The following PGM2 variants were observed in gnomAD, a reference collection of about 807,000 sequenced individuals.
PGM2 encodes phosphoglucomutase 2.
PGM2 carries 57 observed loss-of-function variants against 74.6 expected under a neutral mutation model. The ratio of observed to expected loss-of-function variants is 0.76; its 90% CI spans 0.62 to 0.95. The LOEUF (loss-of-function observed/expected upper bound fraction) is 0.95, where lower values mean the gene tolerates loss of function less well. PGM2 is among the 40% of genes least tolerant of loss of function. The pLI, the probability that PGM2 is intolerant of heterozygous loss-of-function variation, is 0.00. For missense variants in PGM2, 706 were observed against 741.9 expected (o/e 0.95, Z 0.56); for synonymous variants, 273 against 260.7 (o/e 1.05, Z -0.46).
intron 13 of PGM2, among the ~76,000 whole-genome samples, chr4:37,858,310 G>A (rs539838450): frequency 3.3e-5 from 5 of 151,756 alleles, no homozygotes; most frequent in East Asian, 3.9e-4. Context: ...CATACCTAAC[G>A]TACAACAGCA....
chr4:37,858,211 C>A (rs188610602), intron 13 of PGM2, among the ~76,000 whole-genome samples: 9 of 152,222 alleles, frequency 5.9e-5, no homozygotes, highest in Admixed American at 2.0e-4. Context: ...TTATTATATG[C>A]ATTGAAACAT....
chr4:37,846,868 A>T, intron 8 of PGM2, 63 bp from the exon 9 acceptor site: 1 of 1,317,874 alleles, frequency 7.6e-7, no homozygotes, highest in Non-Finnish European at 1.1e-6. Flanking sequence ...TCCCCATGAC[A>T]CTTTAGAGTC....
At position 37,840,243 on chromosome 4, in the gene PGM2, A is replaced by G; in HGVS notation, c.703A>G (p.Lys235Glu). ...INNDYFEDLK[K>E]YCFHRSVNRE... ...TAATGACTACTTTGAAGACCTTAAA[A>G]AGTACTGTTTCCACAGGTAAATGAA... Residue 235 changes from lysine (K) to glutamate (E), a missense_variant, in exon 6 of 14, where the codon AAG becomes GAG. By Grantham distance (56) the Lys-to-Glu change is moderately conservative. Transcript: ENST00000381967. 6.2e-7 allele frequency: 1 copy of G among 1,605,710 alleles called. No individual in the cohort carries two copies. The highest frequency in any genetic ancestry group is 8.5e-7 in the Non-Finnish European group (1 of 1,172,324).
chr4:37,838,482 G>T (rs1725625997), intron 4 of PGM2, among the ~76,000 whole-genome samples: 1 of 152,206 alleles, frequency 6.6e-6, no homozygotes, highest in Admixed American at 6.5e-5. Context: ...ACTTTTAAGA[G>T]CTGGGCCAGA....
At position 37,840,175 on chromosome 4, in the gene PGM2, T is replaced by C. The variant is rs1725671498; in HGVS notation, c.635T>C (p.Ile212Thr). The stretch of plus-strand genomic sequence containing the variant: ...CCTCAAGCTTGGGACGATTCTTTAA[T>C]TGATAGCAGTCCACTTCTCCACAAT... ...PWPQAWDDSL[I>T]DSSPLLHNPS... The change falls in exon 6 of 14, where the codon ATT (isoleucine) becomes ACT (threonine). Residue 212 changes from isoleucine (I) to threonine (T), a missense_variant. Physicochemically the swap from Ile to Thr is moderately conservative, Grantham distance 89 (BLOSUM62 -1). This residue lies in a region of PGM2 where 332 missense variants were observed against 334.9 expected (regional missense o/e 0.99). Transcript: ENST00000381967. 1 of 1,612,920 alleles carries C rather than the reference T, an allele frequency of 6.2e-7. No individual in the cohort carries two copies. The highest frequency in any genetic ancestry group is 1.3e-5 in the African/African-American group (1 of 74,896).
chr4:37,840,964 G>GTA (rs58764009), intron 6 of PGM2, among the ~76,000 whole-genome samples: 27 of 140,014 alleles, frequency 1.9e-4, no homozygotes, highest in African/African-American at 6.5e-4. Context: ...GTGTGTGTGT[G>GTA]TATATATATA....
At chr4:37,844,327 T>C (rs1468710622) in intron 6 of PGM2, 37 bp from the exon 7 acceptor site, 5 of 1,410,140 alleles carry the variant, frequency 3.5e-6, no homozygotes, top group Non-Finnish European at 9.8e-7. Flanking sequence ...GCCCTGTTTC[T>C]GCCTTGTATC....
chr4:37,857,003 A>G lies in PGM2; in HGVS notation c.1736+1262A>G, dbSNP rs1340879467. Reference sequence around the variant, plus strand: ...GATTCAGTAATTTTACACTTACGGCATATCTCAATTTGAATGCTCCATTTT... The same window carrying G: ...GATTCAGTAATTTTACACTTACGGCGTATCTCAATTTGAATGCTCCATTTT... On this transcript the variant is annotated intron_variant, in intron 13 of 13. Transcript: ENST00000381967. Among the ~76,000 whole-genome samples, 6 of 152,262 alleles carry G rather than the reference A, an allele frequency of 3.9e-5. No homozygotes were observed. In the South Asian group the frequency reaches 1.2e-3, roughly 32 times the overall value.
At chr4:37,857,400 A>G (rs1577684819) in intron 13 of PGM2, among the ~76,000 whole-genome samples, 2 of 152,264 alleles carry the variant, frequency 1.3e-5, no homozygotes, top group East Asian at 3.9e-4. Context: ...CCAAGCTAGT[A>G]GCAGATTAAA....
intron 6 of PGM2, among the ~76,000 whole-genome samples, chr4:37,841,096 A>ATGTGTGTGTG (rs1271141747): frequency 8.8e-6 from 1 of 113,914 alleles, no homozygotes; most frequent in Non-Finnish European, 1.8e-5. Flanking sequence ...ATATATATAT[A>ATGTGTGTGTG]TATATGTGTG....
chr4:37,834,242 G>A (rs530204347), intron 2 of PGM2, among the ~76,000 whole-genome samples: 26 of 152,002 alleles, frequency 1.7e-4, no homozygotes, highest in Admixed American at 1.7e-3. Flanking sequence ...GCTGAGGTAG[G>A]GGGGGATTGC....
At chr4:37,833,344 C>G (rs1041421922) in intron 2 of PGM2, among the ~76,000 whole-genome samples, 3 of 152,140 alleles carry the variant, frequency 2.0e-5, no homozygotes, top group Non-Finnish European at 2.9e-5. Flanking sequence ...TTGCTTGAGC[C>G]CACAAGATTG....
At chr4:37,849,217 A>G (rs1377999454) in intron 11 of PGM2, among the ~76,000 whole-genome samples, 1 of 152,170 alleles carries the variant, frequency 6.6e-6, no homozygotes, top group Non-Finnish European at 1.5e-5. Flanking sequence ...CCAGTATCAA[A>G]AAAGATTGAA....
At chr4:37,837,954 C>T (rs528360848) in intron 4 of PGM2, among the ~76,000 whole-genome samples, 1 of 151,984 alleles carries the variant, frequency 6.6e-6, no homozygotes, top group African/African-American at 2.4e-5. Flanking sequence ...GATCTTGGCT[C>T]ACTGCAACCT....
chr4:37,846,916 T>G lies in PGM2; in HGVS notation c.1008-15T>G, dbSNP rs1465115100. ...ATGGAAATGAATGGTGGTTGTTGTT[T>G]TTTTTTTCTTTCAGTGGTGAATGGA... On this transcript the variant is annotated splice_polypyrimidine_tract_variant and intron_variant, in intron 8 of 13. Coordinates refer to ENST00000381967, the MANE Select transcript of PGM2 (RefSeq NM_018290.4). The G allele has an allele frequency of 5.1e-6, 8 of 1,576,410 alleles. No individual in the cohort carries two copies. Among genetic ancestry groups the G allele is most frequent in the Middle Eastern group, 1.7e-4 (1 of 5,872 alleles).
Position 37,837,514 on chromosome 4 carries a change from A to G in PGM2, c.357-15A>G, listed in dbSNP as rs553600872. 2.4e-5 allele frequency: 37 copies of G among 1,537,750 alleles called. No individual in the cohort carries two copies. The African/African-American group carries it at 4.9e-4, about 20-fold the overall frequency. On this transcript the variant is annotated splice_polypyrimidine_tract_variant and intron_variant, in intron 3 of 13. Coordinates refer to ENST00000381967, the MANE Select transcript of PGM2 (RefSeq NM_018290.4). ...CTCAACTCTCCTTTTCTTCCCTGTC[A>G]CTCTGCATTCTCAGGTTTGCCCGAC...
Position 37,840,216 on chromosome 4 carries a change from A to G in PGM2, c.676A>G (p.Asn226Asp). The stretch of plus-strand genomic sequence containing the variant: ...TCTCCACAATCCGAGTGCTTCCATC[A>G]ATAATGACTACTTTGAAGACCTTAA... ...PLLHNPSASI[N>D]NDYFEDLKKY... Residue 226 changes from asparagine (N) to aspartate (D), a missense_variant, in exon 6 of 14, where the codon AAT becomes GAT. Asn to Asp is a conservative substitution (Grantham distance 23, BLOSUM62 1). Transcript: ENST00000381967. The G allele has an allele frequency of 6.2e-7, 1 of 1,612,844 alleles. No individual in the cohort carries two copies.
chr4:37,862,193 TTCTAATAATGCACATAGGATATTA>T lies in PGM2; in HGVS notation c.*582_*605del, dbSNP rs1711800830. 1 of 152,438 alleles carries T rather than the reference TTCTAATAATGCACATAGGATATTA, an allele frequency of 6.6e-6. No individual in the cohort carries two copies. Among genetic ancestry groups the T allele is most frequent in the Non-Finnish European group, 1.5e-5 (1 of 68,236 alleles). The allele number at this position is 152,438 out of a possible 1,614,324, so 9.4% of individuals were successfully genotyped here. On this transcript the variant is annotated 3_prime_UTR_variant, in exon 14 of 14. Coordinates refer to ENST00000381967, the MANE Select transcript of PGM2 (RefSeq NM_018290.4). ...TTTTTTTGAACTAAATTTTTTTTAGTTCTAATAATGCACATAGGATATTAGTACATCGTACACGTGCTAGGAAAA... is the reference window on the plus strand; with the variant it reads ...TTTTTTTGAACTAAATTTTTTTTAGTGTACATCGTACACGTGCTAGGAAAA...
chr4:37,852,364 G>A (rs1726069810), intron 12 of PGM2, among the ~76,000 whole-genome samples: 1 of 152,124 alleles, frequency 6.6e-6, no homozygotes, highest in African/African-American at 2.4e-5. Context: ...TCTCAGTAGG[G>A]TTTTCCTGGT....
Sources: gnomAD v4.1 joint callset for allele counts (sites outside exome capture counted in the v4.1 genomes callset) on GRCh38, gnomAD v4.1.1 for gene constraint, gnomAD v4.1.1 regional missense constraint, MANE v1.5 for transcripts, NCBI Gene and HGNC (gene_info 2026-07-23, HGNC 2026-07-21) for gene names.